The following PTPRD variants were observed in gnomAD, a reference collection of about 807,000 sequenced individuals.
The protein encoded by PTPRD is protein tyrosine phosphatase receptor type D.
PTPRD carries 34 observed loss-of-function variants against 214.5 expected under a neutral mutation model. The ratio of observed to expected loss-of-function variants is 0.16; its 90% CI spans 0.12 to 0.21. PTPRD has a LOEUF of 0.21. Ranked by LOEUF, PTPRD falls within the 10% of genes least tolerant of loss-of-function variation. PTPRD has a pLI of 1.00. For missense variants in PTPRD, 2,545 were observed against 2,398.7 expected (o/e 1.06, Z -1.27); for synonymous variants, 1,128 against 845.7 (o/e 1.33, Z -5.79).
At chr9:8,787,738 G>C (rs1420265253) in intron 11 of PTPRD, among the ~76,000 whole-genome samples, 1 of 152,004 alleles carries the variant, frequency 6.6e-6, no homozygotes, top group African/African-American at 2.4e-5. Context: ...GTCCCTATTA[G>C]GTCTCATAAC....
chr9:9,662,763 G>A (rs949156510), intron 7 of PTPRD, among the ~76,000 whole-genome samples: 1 of 151,548 alleles, frequency 6.6e-6, no homozygotes, highest in Non-Finnish European at 1.5e-5. Flanking sequence ...AATTAATCCA[G>A]AAATGGGATT....
chr9:9,571,355 T>G (rs1563766587), intron 8 of PTPRD, among the ~76,000 whole-genome samples: 1 of 151,368 alleles, frequency 6.6e-6, no homozygotes. Flanking sequence ...AAGTATTAAA[T>G]AAAATCTTAA....
In PTPRD at chr9:10,278,219, G is replaced by C. The variant is rs528264815; in HGVS notation, c.-545+62744C>G. On this transcript the variant is annotated intron_variant, in intron 3 of 45. Coordinates refer to ENST00000381196, the MANE Select transcript of PTPRD (RefSeq NM_002839.4). The stretch of plus-strand genomic sequence containing the variant: ...TGTGGCCTCTAGGAACAAATATGAA[G>C]AAAGTTATTAAAAAATAATGTTTGA... Among the ~76,000 whole-genome samples, 3 of 152,120 alleles carry C rather than the reference G, an allele frequency of 2.0e-5. No individual in the cohort carries two copies. The South Asian group carries it at 6.2e-4, about 32-fold the overall frequency.
At chr9:10,074,471 A>T (rs2098095917) in intron 3 of PTPRD, among the ~76,000 whole-genome samples, 1 of 152,128 alleles carries the variant, frequency 6.6e-6, no homozygotes, top group Non-Finnish European at 1.5e-5. Flanking sequence ...TCTAAAGCTG[A>T]CAGAGGAGTA....
chr9:8,319,665 C>A (rs959399403), intron 45 of PTPRD, among the ~76,000 whole-genome samples, 166 bp downstream of exon 45: 3 of 151,960 alleles, frequency 2.0e-5, no homozygotes, highest in African/African-American at 7.3e-5. Flanking sequence ...CACTAATAAT[C>A]TCATCCCATT....
chr9:8,833,565 G>A (rs2097343243), intron 11 of PTPRD, among the ~76,000 whole-genome samples: 1 of 148,648 alleles, frequency 6.7e-6, no homozygotes, highest in African/African-American at 2.5e-5. Flanking sequence ...TGTTAGGGCT[G>A]GATCTATGTA....
At chr9:10,513,919 G>C (rs562084861) in intron 2 of PTPRD, among the ~76,000 whole-genome samples, 1 of 152,104 alleles carries the variant, frequency 6.6e-6, no homozygotes, top group South Asian at 2.1e-4. Context: ...AGGGTTCCAA[G>C]CAATGCAAAA....
At chr9:10,022,577 G>T (rs961427028) in intron 4 of PTPRD, among the ~76,000 whole-genome samples, 1 of 152,076 alleles carries the variant, frequency 6.6e-6, no homozygotes, top group Non-Finnish European at 1.5e-5. Flanking sequence ...AGAAAATAAG[G>T]CCAAAAGGCA....
intron 3 of PTPRD, among the ~76,000 whole-genome samples, chr9:10,239,449 T>C (rs992518673): frequency 6.6e-5 from 10 of 151,982 alleles, no homozygotes; most frequent in African/African-American, 2.2e-4. Flanking sequence ...ACTATTTCAT[T>C]GTAAATTACT....
chr9:9,834,477 C>T (rs1282780220), intron 5 of PTPRD, among the ~76,000 whole-genome samples: 1 of 151,932 alleles, frequency 6.6e-6, no homozygotes, highest in Admixed American at 6.6e-5. Flanking sequence ...CCCAAATTTG[C>T]CTCATAATCA....
At chr9:9,414,463 G>T (rs948558525) in intron 8 of PTPRD, among the ~76,000 whole-genome samples, 1 of 152,288 alleles carries the variant, frequency 6.6e-6, no homozygotes, top group Non-Finnish European at 1.5e-5. Flanking sequence ...TACATTTAGG[G>T]AAGGACGGCC....
chr9:8,908,073 T>C (rs2154258373), intron 11 of PTPRD, among the ~76,000 whole-genome samples: 1 of 152,158 alleles, frequency 6.6e-6, no homozygotes, highest in Admixed American at 6.5e-5. Context: ...ACTCACCACA[T>C]ACAAGGAAGC....
chr9:8,702,965 A>C (rs576722464), intron 12 of PTPRD, among the ~76,000 whole-genome samples: 1 of 152,290 alleles, frequency 6.6e-6, no homozygotes, highest in African/African-American at 2.4e-5. Context: ...TTTTGGGGAG[A>C]GTTAGCACTA....
At position 8,591,801 on chromosome 9, in the gene PTPRD, C is replaced by G. The variant is rs554605104; in HGVS notation, c.352+41516G>C. Among the ~76,000 whole-genome samples, 871 of 152,222 alleles carry G rather than the reference C, an allele frequency of 5.7e-3. 7 individuals carry two copies. Among genetic ancestry groups the G allele is most frequent in the African/African-American group, 0.02 (825 of 41,560 alleles). The stretch of plus-strand genomic sequence containing the variant: ...TTAAGCATAGGATACAAGACTAAAT[C>G]AAGCTTTAAATGTGAACTCTGTATT... On this transcript the variant is annotated intron_variant, in intron 14 of 45. Coordinates refer to ENST00000381196, the MANE Select transcript of PTPRD (RefSeq NM_002839.4).
chr9:9,668,341 A>G (rs998888086), intron 7 of PTPRD, among the ~76,000 whole-genome samples: 1 of 152,196 alleles, frequency 6.6e-6, no homozygotes, highest in Non-Finnish European at 1.5e-5. Context: ...AAAAAATTTC[A>G]AAGGATTTTG....
intron 11 of PTPRD, among the ~76,000 whole-genome samples, chr9:8,973,613 T>C (rs956154832): frequency 1.3e-5 from 2 of 152,156 alleles, no homozygotes; most frequent in South Asian, 2.1e-4. Context: ...ATGGTAGCTC[T>C]GTTTTAAGTT....
At chr9:10,277,894 C>T (rs2094813858) in intron 3 of PTPRD, among the ~76,000 whole-genome samples, 1 of 152,124 alleles carries the variant, frequency 6.6e-6, no homozygotes, top group Admixed American at 6.5e-5. Context: ...CTCGGTGGCT[C>T]ATGCCTGTAA....
At chr9:8,369,957 T>C (rs146367912) in intron 39 of PTPRD, among the ~76,000 whole-genome samples, 73 of 152,186 alleles carry the variant, frequency 4.8e-4, no homozygotes, top group African/African-American at 1.5e-3. Flanking sequence ...ATATAGTCTT[T>C]ATAGAATATG....
chr9:8,804,365 G>C (rs1478899248), intron 11 of PTPRD, among the ~76,000 whole-genome samples: 1 of 151,918 alleles, frequency 6.6e-6, no homozygotes, highest in East Asian at 1.9e-4. Flanking sequence ...TGGGAACCGA[G>C]AGCAGGAGGA....
Sources: allele counts gnomAD v4.1 joint callset (sites outside exome capture counted in the v4.1 genomes callset), GRCh38; gene constraint gnomAD v4.1.1; transcripts MANE v1.5; gene names NCBI Gene and HGNC (gene_info 2026-07-23, HGNC 2026-07-21).